The following TMOD1 variants were observed in gnomAD, a reference collection of about 807,000 sequenced individuals.
The protein encoded by TMOD1 is tropomodulin 1, also known as tropomodulin-1.
Under a neutral mutation model 40.6 loss-of-function variants are expected in TMOD1, and 17 were observed. The ratio of observed to expected loss-of-function variants is 0.42; its 90% confidence interval spans 0.29 to 0.63. The LOEUF (loss-of-function observed/expected upper bound fraction) is 0.63. Among genes scored for constraint, TMOD1 ranks in the 20% least tolerant of loss-of-function variants. TMOD1 has a pLI of 0.22. For synonymous variants in TMOD1, 181 were observed against 175.0 expected (o/e 1.03, Z -0.27); for missense variants, 391 against 447.6 (o/e 0.87, Z 1.14).
intron 1 of TMOD1, among the ~76,000 whole-genome samples, chr9:97,518,937 A>G (rs1829872375): frequency 6.6e-6 from 1 of 152,214 alleles, no homozygotes; most frequent in South Asian, 2.1e-4. Flanking sequence ...TGGACTTTCT[A>G]AGTCAACCTT....
At chr9:97,575,048 G>C (rs781475540) in intron 8 of TMOD1, among the ~76,000 whole-genome samples, 1 of 152,194 alleles carries the variant, frequency 6.6e-6, no homozygotes, top group Admixed American at 6.5e-5. Context: ...GTGGCAACCC[G>C]CTCGGGTCCA....
chr9:97,541,524 A>AT (rs112157641), intron 2 of TMOD1, among the ~76,000 whole-genome samples: 45 of 138,784 alleles, frequency 3.2e-4, no homozygotes, highest in Admixed American at 8.0e-4. Flanking sequence ...TTTATTTTTT[A>AT]TTTTTTTTTT....
At chr9:97,587,956 A>G (rs1198561964) in intron 8 of TMOD1, among the ~76,000 whole-genome samples, 1 of 152,236 alleles carries the variant, frequency 6.6e-6, no homozygotes, top group Non-Finnish European at 1.5e-5. Flanking sequence ...TGACTGAATA[A>G]TACTCCACTG....
At chr9:97,525,988 C>A (rs921951359) in intron 2 of TMOD1, among the ~76,000 whole-genome samples, 1 of 152,176 alleles carries the variant, frequency 6.6e-6, no homozygotes, top group African/African-American at 2.4e-5. Context: ...TATTTCCAAT[C>A]TTGATTCCCT....
chr9:97,506,065 C>T (rs1829585836), intron 1 of TMOD1, among the ~76,000 whole-genome samples: 1 of 144,750 alleles, frequency 6.9e-6, no homozygotes, highest in Non-Finnish European at 1.5e-5. Flanking sequence ...ACCTTCTGGC[C>T]ATGGCAAAAG....
chr9:97,599,202 G>A (rs894582738), intron 9 of TMOD1, among the ~76,000 whole-genome samples: 21 of 151,356 alleles, frequency 1.4e-4, no homozygotes, highest in East Asian at 3.9e-4. Context: ...GGAAACTCTC[G>A]TTTATATAGG....
At chr9:97,535,484 G>T (rs1256864694) in intron 2 of TMOD1, among the ~76,000 whole-genome samples, 1 of 152,118 alleles carries the variant, frequency 6.6e-6, no homozygotes, top group Non-Finnish European at 1.5e-5. Context: ...ACTCAGTTCA[G>T]GACCACCTCC....
chr9:97,542,997 C>T (rs1378065616), intron 2 of TMOD1, among the ~76,000 whole-genome samples: 1 of 152,144 alleles, frequency 6.6e-6, no homozygotes, highest in Non-Finnish European at 1.5e-5. Context: ...GGTAGAGTGG[C>T]CTCCACAACA....
At chr9:97,546,430 G>A (rs1342261064) in intron 3 of TMOD1, 89 bp downstream of exon 3, 1 of 1,423,266 alleles carries the variant, frequency 7.0e-7, no homozygotes, top group Non-Finnish European at 9.5e-7. Flanking sequence ...GCCCTGTGTT[G>A]GGCCAAATGT....
chr9:97,601,217 A>C lies in TMOD1; in HGVS notation c.*1519A>C. 7.8e-7 allele frequency: 1 copy of C among 1,282,884 alleles called. No individual in the cohort carries two copies. The highest frequency in any genetic ancestry group is 1.0e-6 in the Non-Finnish European group (1 of 977,106). The allele number at this position is 1,282,884 out of a possible 1,614,324, so 79.5% of individuals were successfully genotyped here. On this transcript the variant is annotated 3_prime_UTR_variant, in exon 10 of 10. Transcript: ENST00000259365. Reference sequence around the variant, plus strand: ...ATTGCAGCTGCATTCTGCATCGCTGAAAACTGCAATATAATATTAAATCTG... The same window carrying C: ...ATTGCAGCTGCATTCTGCATCGCTGCAAACTGCAATATAATATTAAATCTG...
intron 2 of TMOD1, among the ~76,000 whole-genome samples, chr9:97,531,924 C>T (rs1228418482): frequency 1.3e-5 from 2 of 152,260 alleles, no homozygotes; most frequent in South Asian, 2.1e-4. Context: ...TTCAAGGTCA[C>T]ACAGCAAGTC....
At chr9:97,561,163 A>G (rs1830634887) in intron 4 of TMOD1, among the ~76,000 whole-genome samples, 1 of 152,176 alleles carries the variant, frequency 6.6e-6, no homozygotes, top group African/African-American at 2.4e-5. Context: ...TCCCCTCTGT[A>G]GTGAGTTCTC....
rs544121861 is a variant in TMOD1 at position 97,545,300 on chromosome 9, C to G, written c.121-885C>G. Among the ~76,000 whole-genome samples, 4 of 152,348 alleles carry G rather than the reference C, an allele frequency of 2.6e-5. No homozygotes were observed. In the East Asian group the frequency reaches 7.7e-4, roughly 29 times the overall value. On this transcript the variant is annotated intron_variant, in intron 2 of 9. Coordinates refer to ENST00000259365, the MANE Select transcript of TMOD1 (RefSeq NM_003275.4). ...ATGGGAGAGTGTGTGCACTGATGAT[C>G]TCTAAGCATCCTTGCAGCTATAAAC...
intron 8 of TMOD1, among the ~76,000 whole-genome samples, chr9:97,584,887 C>T (rs1032387793): frequency 6.6e-6 from 1 of 152,096 alleles, no homozygotes; most frequent in African/African-American, 2.4e-5. Context: ...TTATTTTGAG[C>T]CTATGTGTGT....
At chr9:97,596,138 G>A (rs1826105048) in intron 9 of TMOD1, among the ~76,000 whole-genome samples, 1 of 151,348 alleles carries the variant, frequency 6.6e-6, no homozygotes, top group African/African-American at 2.4e-5. Context: ...CCAGAAATCT[G>A]GGCCTGTTCC....
At chr9:97,508,091 A>AC (rs1829622420) in intron 1 of TMOD1, among the ~76,000 whole-genome samples, 1 of 146,880 alleles carries the variant, frequency 6.8e-6, no homozygotes, top group Non-Finnish European at 1.5e-5. Flanking sequence ...ACACACACAC[A>AC]CACACACACA....
rs1003754631 is a variant in TMOD1, at chr9:97,513,411, C to A, written c.-48-10730C>A. ...TAGAGCCAGGGGTAGGGATTTCAGC[C>A]CAGGTTTGCATGACCCCTAGTTCAA... On this transcript the variant is annotated intron_variant, in intron 1 of 9. Coordinates refer to ENST00000259365, the MANE Select transcript of TMOD1 (RefSeq NM_003275.4). The surrounding 1 kb of genome is among the most constrained non-coding windows in gnomAD (Gnocchi z 4.1). 6.6e-6 allele frequency among the ~76,000 whole-genome samples: 1 copy of A among 152,138 alleles called. No individual in the cohort carries two copies. The highest frequency in any genetic ancestry group is 2.4e-5 in the African/African-American group (1 of 41,430).
intron 3 of TMOD1, among the ~76,000 whole-genome samples, chr9:97,550,867 A>T (rs1038818393): frequency 2.0e-5 from 3 of 151,632 alleles, no homozygotes; most frequent in Non-Finnish European, 4.4e-5. Flanking sequence ...AAAACTTTTA[A>T]ATTCTGATGA....
chr9:97,566,526 C>A (rs4743115), intron 7 of TMOD1, among the ~76,000 whole-genome samples: 32,175 of 151,850 alleles, frequency 0.21, 3,784 homozygotes, highest in South Asian at 0.42. Flanking sequence ...TAAAAATTAC[C>A]TGGGCTTGGT....
Sources: allele counts gnomAD v4.1 joint callset (sites outside exome capture counted in the v4.1 genomes callset), GRCh38; gene constraint gnomAD v4.1.1; non-coding constraint Gnocchi (gnomAD v3.1); transcripts MANE v1.5; gene names NCBI Gene and HGNC (gene_info 2026-07-23, HGNC 2026-07-21).